Variants in CERS6 observed in about 807,000 individuals in gnomAD.
CERS6 encodes LAG1 homolog, ceramide synthase 6.
CERS6 carries 26 observed loss-of-function variants against 56.8 expected under a neutral mutation model. That is an observed-to-expected ratio of 0.46 (90% CI 0.34 to 0.63). The LOEUF (loss-of-function observed/expected upper bound fraction) is 0.63. Among genes scored for constraint, CERS6 ranks in the 30% least tolerant of loss-of-function variants. CERS6 has a pLI of 0.01. For missense variants in CERS6, 415 were observed against 467.5 expected (o/e 0.89, Z 1.04); for synonymous variants, 164 against 173.3 (o/e 0.95, Z 0.42).
chr2:168,468,232 C>T (rs1308421999), intron 1 of CERS6, among the ~76,000 whole-genome samples: 1 of 152,150 alleles, frequency 6.6e-6, no homozygotes, highest in East Asian at 1.9e-4. Flanking sequence ...AGATGGTCTC[C>T]CTCTGGGTGG....
At chr2:168,692,467 A>G (rs1352363226) in intron 5 of CERS6, among the ~76,000 whole-genome samples, 1 of 152,176 alleles carries the variant, frequency 6.6e-6, no homozygotes, top group African/African-American at 2.4e-5. Context: ...TATTTCTGAG[A>G]AAATGAGTTG....
chr2:168,755,735 A>G (rs1292345604), intron 8 of CERS6, among the ~76,000 whole-genome samples: 1 of 152,238 alleles, frequency 6.6e-6, no homozygotes, highest in East Asian at 1.9e-4. Flanking sequence ...TCCTGTAAAC[A>G]GGCTCCTTCT....
intron 3 of CERS6, among the ~76,000 whole-genome samples, chr2:168,576,152 G>C (rs535641724): frequency 6.6e-6 from 1 of 152,206 alleles, no homozygotes; most frequent in African/African-American, 2.4e-5. Flanking sequence ...GGCCTCCCCT[G>C]CTCCATGAAG....
rs546152191 is a variant in CERS6 at position 168,521,557 on chromosome 2, G to C, written c.171-26039G>C. 3.3e-5 allele frequency among the ~76,000 whole-genome samples: 5 copies of C among 152,304 alleles called. No homozygotes were observed. The South Asian group carries it at 1.0e-3, about 32-fold the overall frequency. The stretch of plus-strand genomic sequence containing the variant: ...TGGTGATAGTAACACAGCTGCGCCA[G>C]GCATTTCAGTGAGTTCCTAATGCAG... On this transcript the variant is annotated intron_variant, in intron 1 of 9. Transcript: ENST00000305747.
At chr2:168,743,034 C>T (rs1574211325) in intron 8 of CERS6, among the ~76,000 whole-genome samples, 1 of 151,940 alleles carries the variant, frequency 6.6e-6, no homozygotes, top group Non-Finnish European at 1.5e-5. Context: ...TCACTTGAAT[C>T]GATATCTTAG....
intron 6 of CERS6, among the ~76,000 whole-genome samples, chr2:168,702,432 A>G (rs1358265537): frequency 3.3e-5 from 5 of 152,350 alleles, no homozygotes; most frequent in African/African-American, 1.2e-4. Flanking sequence ...CAAAGAAAGC[A>G]ACTGACATTA....
intron 3 of CERS6, among the ~76,000 whole-genome samples, chr2:168,625,517 A>G (rs1332654667): frequency 6.6e-6 from 1 of 152,220 alleles, no homozygotes; most frequent in Non-Finnish European, 1.5e-5. Flanking sequence ...ATTCTTTGCA[A>G]GCCACTGTTT....
intron 4 of CERS6, among the ~76,000 whole-genome samples, chr2:168,650,941 A>G (rs1361842612): frequency 6.6e-6 from 1 of 151,920 alleles, no homozygotes; most frequent in Non-Finnish European, 1.5e-5. Context: ...TGCTTTTAGG[A>G]TTGTGGAAAT....
chr2:168,555,362 A>G (rs1695656344), intron 2 of CERS6, among the ~76,000 whole-genome samples: 1 of 152,072 alleles, frequency 6.6e-6, no homozygotes, highest in East Asian at 1.9e-4. Flanking sequence ...CTATGCTGCA[A>G]AAGTGCTCAT....
chr2:168,523,159 C>T (rs992955736), intron 1 of CERS6, among the ~76,000 whole-genome samples: 5 of 152,164 alleles, frequency 3.3e-5, no homozygotes, highest in Admixed American at 3.3e-4. Context: ...TAGAGCCTTT[C>T]TGCCTCTCTG....
chr2:168,640,465 A>C (rs972530859), intron 4 of CERS6, among the ~76,000 whole-genome samples: 3 of 152,182 alleles, frequency 2.0e-5, no homozygotes, highest in Non-Finnish European at 2.9e-5. Flanking sequence ...GAATCTGTTG[A>C]GCACCCATCC....
chr2:168,588,357 A>T (rs879540843), intron 3 of CERS6, among the ~76,000 whole-genome samples: 18 of 152,040 alleles, frequency 1.2e-4, no homozygotes, highest in Admixed American at 1.2e-3. Context: ...CCATCTCTAG[A>T]ACTCTTTTTA....
At chr2:168,589,667 C>G (rs1167725735) in intron 3 of CERS6, among the ~76,000 whole-genome samples, 3 of 152,040 alleles carry the variant, frequency 2.0e-5, no homozygotes, top group Non-Finnish European at 4.4e-5. Flanking sequence ...AGAGTTCATG[C>G]TTTACATTTT....
At chr2:168,764,360 T>G (rs938205478) in intron 8 of CERS6, among the ~76,000 whole-genome samples, 9 of 152,064 alleles carry the variant, frequency 5.9e-5, no homozygotes, top group Non-Finnish European at 8.8e-5. Flanking sequence ...GCCAGGATGG[T>G]CTCAATCTCC....
chr2:168,769,743 C>A lies in CERS6; in HGVS notation c.*81C>A. 7.0e-7 allele frequency: 1 copy of A among 1,424,860 alleles called. No homozygotes were observed. The highest frequency in any genetic ancestry group is 9.7e-7 in the Non-Finnish European group (1 of 1,027,306). 88.3% of individuals were successfully genotyped at this position (1,424,860 alleles called of 1,614,324 possible). A position where few individuals can be genotyped will look rare whatever the true frequency, so the allele number is the denominator to read the frequency against. Reference sequence around the variant, plus strand: ...AATAAGTTGCAAATGCAGTTCCTTTCATAATATCTCAGCACCAGAAACAAA... The same window carrying A: ...AATAAGTTGCAAATGCAGTTCCTTTAATAATATCTCAGCACCAGAAACAAA... On this transcript the variant is annotated 3_prime_UTR_variant, in exon 10 of 10. Coordinates refer to ENST00000305747, the MANE Select transcript of CERS6 (RefSeq NM_203463.3).
chr2:168,604,938 G>C (rs1684018448), intron 3 of CERS6, among the ~76,000 whole-genome samples: 1 of 152,178 alleles, frequency 6.6e-6, no homozygotes, highest in Non-Finnish European at 1.5e-5. Context: ...GTGGGGTATT[G>C]ATATAAAAAA....
At chr2:168,676,366 C>G (rs572713013) in intron 4 of CERS6, among the ~76,000 whole-genome samples, 1 of 152,048 alleles carries the variant, frequency 6.6e-6, no homozygotes, top group African/African-American at 2.4e-5. Flanking sequence ...ATTTACTGGT[C>G]CACTGATGTA....
intron 3 of CERS6, among the ~76,000 whole-genome samples, chr2:168,575,932 A>G (rs1194328233): frequency 1.3e-5 from 2 of 152,106 alleles, no homozygotes; most frequent in African/African-American, 2.4e-5. Flanking sequence ...GTGGATATTT[A>G]CTGGGTGACG....
intron 1 of CERS6, among the ~76,000 whole-genome samples, chr2:168,489,949 A>G (rs1324025693): frequency 6.6e-6 from 1 of 152,074 alleles, no homozygotes; most frequent in Admixed American, 6.6e-5. Context: ...TCCTGTTCTA[A>G]TCTTCTAAAT....
Sources: allele counts gnomAD v4.1 joint callset (sites outside exome capture counted in the v4.1 genomes callset), GRCh38; gene constraint gnomAD v4.1.1; transcripts MANE v1.5; gene names NCBI Gene and HGNC (gene_info 2026-07-23, HGNC 2026-07-21).